Variants in DLGAP2 observed in about 807,000 individuals in gnomAD.
DLGAP2 encodes disks large-associated protein 2.
In DLGAP2, 26 loss-of-function variants were observed where a neutral mutation model predicts 100.3. The observed-to-expected ratio is 0.26, with a 90% confidence interval of 0.19 to 0.36. The LOEUF (loss-of-function observed/expected upper bound fraction) is 0.36, where lower values mean the gene tolerates loss of function less well. Among genes scored for constraint, DLGAP2 ranks in the 10% least tolerant of loss-of-function variants. The pLI is 1.00. For missense variants in DLGAP2, 1,858 were observed against 1,453.2 expected (o/e 1.28, Z -4.53); for synonymous variants, 886 against 630.1 (o/e 1.41, Z -6.08).
At chr8:940,436 G>C (rs1181643675) in intron 2 of DLGAP2, among the ~76,000 whole-genome samples, 1 of 151,980 alleles carries the variant, frequency 6.6e-6, no homozygotes, top group Non-Finnish European at 1.5e-5. Context: ...TTTCACCCTG[G>C]GTGGTTCGTC....
intron 3 of DLGAP2, among the ~76,000 whole-genome samples, chr8:1,281,400 G>A (rs912045134): frequency 3.3e-5 from 5 of 152,082 alleles, no homozygotes; most frequent in African/African-American, 7.2e-5. Context: ...TCCCTTAGGC[G>A]CCCCCAGTGG....
intron 2 of DLGAP2, among the ~76,000 whole-genome samples, chr8:916,595 A>G (rs985656872): frequency 3.3e-5 from 5 of 152,236 alleles, no homozygotes; most frequent in African/African-American, 1.2e-4. Flanking sequence ...AACATGGCAC[A>G]TGTATACATA....
intron 3 of DLGAP2, among the ~76,000 whole-genome samples, chr8:1,379,322 G>A (rs1022896015): frequency 1.3e-5 from 2 of 152,374 alleles, no homozygotes; most frequent in Non-Finnish European, 2.9e-5. Context: ...ATGGGCCTAA[G>A]AGCCGCGTCT....
intron 1 of DLGAP2, among the ~76,000 whole-genome samples, chr8:860,112 G>A (rs1797361091): frequency 6.6e-6 from 1 of 152,168 alleles, no homozygotes; most frequent in African/African-American, 2.4e-5. Flanking sequence ...AAATATTTCT[G>A]ATTTTTGGCC....
chr8:1,566,618 G>A (rs922439215), intron 6 of DLGAP2, among the ~76,000 whole-genome samples: 12 of 152,272 alleles, frequency 7.9e-5, no homozygotes, highest in East Asian at 1.9e-4. Context: ...TAGGCAGGGC[G>A]GAACTGCTTC....
At chr8:751,103 G>A (rs1382030427) in intron 1 of DLGAP2, among the ~76,000 whole-genome samples, 2 of 117,658 alleles carry the variant, frequency 1.7e-5, no homozygotes, top group African/African-American at 6.7e-5. Flanking sequence ...CTGGATCTCC[G>A]GCCACCCTCT....
chr8:859,106 T>G (rs1039098009), intron 1 of DLGAP2, among the ~76,000 whole-genome samples: 5 of 139,340 alleles, frequency 3.6e-5, no homozygotes, highest in Non-Finnish European at 7.8e-5. Context: ...CAGCCCCACC[T>G]TAGTCTTCTT....
At position 1,201,656 on chromosome 8, in the gene DLGAP2, G is replaced by A. The variant is rs140530703; in HGVS notation, c.74-57195G>A. On this transcript the variant is annotated intron_variant, in intron 2 of 14. Transcript: ENST00000637795. ...ACACACTCAGAGCTCCTGGTTCAGTGCCTGTTTGTCAGATGCCTGTGACGT... is the reference window on the plus strand; with the variant it reads ...ACACACTCAGAGCTCCTGGTTCAGTACCTGTTTGTCAGATGCCTGTGACGT... Among the ~76,000 whole-genome samples, 63 of 152,322 alleles carry A rather than the reference G, an allele frequency of 4.1e-4. No individual in the cohort carries two copies. In the East Asian group the frequency reaches 0.012, roughly 29 times the overall value.
At chr8:1,655,999 G>A (rs763620271) in intron 8 of DLGAP2, among the ~76,000 whole-genome samples, 1 of 152,214 alleles carries the variant, frequency 6.6e-6, no homozygotes, top group Admixed American at 6.5e-5. Context: ...AGGAACCCAA[G>A]TGTAATGGTA....
At chr8:1,325,087 C>A (rs546689031) in intron 3 of DLGAP2, among the ~76,000 whole-genome samples, 1 of 152,186 alleles carries the variant, frequency 6.6e-6, no homozygotes, top group Non-Finnish European at 1.5e-5. Context: ...TTGGCCTCCA[C>A]CTCACCCAAC....
intron 2 of DLGAP2, among the ~76,000 whole-genome samples, 169 bp downstream of exon 2, chr8:908,135 G>A (rs1395386974): frequency 6.6e-6 from 1 of 152,182 alleles, no homozygotes; most frequent in East Asian, 1.9e-4. Context: ...AGGATATTTA[G>A]TTCTGTGGTG....
intron 2 of DLGAP2, among the ~76,000 whole-genome samples, chr8:1,142,463 C>A (rs1182488528): frequency 6.6e-6 from 1 of 152,142 alleles, no homozygotes; most frequent in Non-Finnish European, 1.5e-5. Context: ...AGCCAGTGTT[C>A]CCTTATGGCT....
chr8:1,176,259 C>T (rs1438617128), intron 2 of DLGAP2, among the ~76,000 whole-genome samples: 4 of 152,138 alleles, frequency 2.6e-5, no homozygotes, highest in Non-Finnish European at 4.4e-5. Context: ...TGAGAATTCC[C>T]TCATTACCAC....
intron 3 of DLGAP2, among the ~76,000 whole-genome samples, chr8:1,260,539 C>T (rs1215635025): frequency 3.9e-5 from 6 of 152,136 alleles, no homozygotes; most frequent in Non-Finnish European, 7.4e-5. Flanking sequence ...TGTTTGGAGG[C>T]GAGGGTTTGG....
chr8:769,273 C>G (rs1365266546), intron 1 of DLGAP2, among the ~76,000 whole-genome samples: 1 of 152,050 alleles, frequency 6.6e-6, no homozygotes, highest in African/African-American at 2.4e-5. Context: ...TGGGTCTCAG[C>G]AGGGAAGAAG....
chr8:1,285,113 A>G (rs1411649747), intron 3 of DLGAP2, among the ~76,000 whole-genome samples: 3 of 152,170 alleles, frequency 2.0e-5, no homozygotes, highest in African/African-American at 7.2e-5. Context: ...TTTTTATGTA[A>G]TTGAATTCCA....
chr8:1,459,347 G>C (rs11136397), intron 3 of DLGAP2, among the ~76,000 whole-genome samples: 1 of 133,686 alleles, frequency 7.5e-6, no homozygotes, highest in African/African-American at 2.7e-5. Context: ...ACATGCATAG[G>C]CCCCAGGGGT....
chr8:1,668,065 G>A (rs560224511), intron 8 of DLGAP2, among the ~76,000 whole-genome samples: 3 of 152,222 alleles, frequency 2.0e-5, no homozygotes, highest in Admixed American at 2.0e-4. Context: ...ATGATGCCAC[G>A]CCTGCGTGCT....
rs1165790168 is a variant in DLGAP2, at chr8:1,481,471, CTTTTTTTTTTTTTTT to C, written c.107-19885_107-19871del. On this transcript the variant is annotated intron_variant, in intron 3 of 14. Coordinates refer to ENST00000637795, the MANE Select transcript of DLGAP2 (RefSeq NM_001346810.2). ...GGATTTTCTTTTTCTTTTTCTTTTT[CTTTTTTTTTTTTTTT>C]TTTTTTTTTGAGATGGAGTTTTGCT... Among the ~76,000 whole-genome samples, 38 of 43,702 alleles carry C rather than the reference CTTTTTTTTTTTTTTT, an allele frequency of 8.7e-4. No individual in the cohort carries two copies. The South Asian group carries it at 0.044, about 50-fold the overall frequency. 28.7% of individuals were successfully genotyped at this position (43,702 alleles called of 152,430 possible). A position where few individuals can be genotyped will look rare whatever the true frequency, so the allele number is the denominator to read the frequency against.
Sources: allele counts gnomAD v4.1 joint callset (sites outside exome capture counted in the v4.1 genomes callset), GRCh38; gene constraint gnomAD v4.1.1; transcripts MANE v1.5; gene names NCBI Gene and HGNC (gene_info 2026-07-23, HGNC 2026-07-21).